SLC43A3: variants seen among roughly 807,000 people sequenced by gnomAD.
SLC43A3 encodes solute carrier family 43 member 3.
Under a neutral mutation model 53.3 loss-of-function variants are expected in SLC43A3, and 33 were observed. That is an observed-to-expected ratio of 0.62 (90% CI 0.47 to 0.83). SLC43A3 has a LOEUF of 0.83. SLC43A3 is among the 40% of genes least tolerant of loss of function. The pLI is 0.00. For synonymous variants in SLC43A3, 236 were observed against 246.2 expected (o/e 0.96, Z 0.39); for missense variants, 530 against 610.0 (o/e 0.87, Z 1.38).
At position 57,409,170 on chromosome 11, in the gene SLC43A3, C is replaced by T. The variant is rs1180414366; in HGVS notation, c.1371+5G>A. On this transcript the variant is annotated splice_donor_5th_base_variant and intron_variant, in intron 13 of 13. Coordinates refer to ENST00000395124, the MANE Select transcript of SLC43A3 (RefSeq NM_199329.3). The stretch of plus-strand genomic sequence containing the variant: ...GCCAGGGATCCCCATCCTCCCAGTA[C>T]TCACGTAAAATGGGTCATTCTGAAG... 1 of 1,614,174 alleles carries T rather than the reference C, an allele frequency of 6.2e-7. No individual in the cohort carries two copies. The highest frequency in any genetic ancestry group is 1.7e-5 in the Admixed American group (1 of 60,030).
At chr11:57,425,818 A>G (rs1428926815) in intron 3 of SLC43A3, 148 bp from the exon 4 acceptor site, 6 of 1,409,988 alleles carry the variant, frequency 4.3e-6, no homozygotes, top group Non-Finnish European at 5.8e-6. Flanking sequence ...ATTACCCCTC[A>G]GGAGCTGGTG....
rs1942270065 is a variant in SLC43A3 at position 57,407,881 on chromosome 11, T to C, written c.1387A>G (p.Met463Val). Residue 463 changes from methionine (M) to valine (V), a missense_variant, in exon 14 of 14, where the codon ATG becomes GTG. This residue lies in a region of SLC43A3 where 124 missense variants were observed against 166.4 expected (regional missense o/e 0.75). Transcript: ENST00000395124. The part of the protein sequence containing the change: ...NDPFYVNVMF[M>V]LAILLTFFHP... ...AAGAATGTCAGAAGAATGGCAAGCA[T>C]GAACATCACATTCACCTGCAGGGAG... 1.2e-6 allele frequency: 2 copies of C among 1,611,578 alleles called. No individual in the cohort carries two copies. The highest frequency in any genetic ancestry group is 1.1e-5 in the South Asian group (1 of 91,040).
At chr11:57,411,130 G>C (rs1942440408) in intron 11 of SLC43A3, among the ~76,000 whole-genome samples, 1 of 152,086 alleles carries the variant, frequency 6.6e-6, no homozygotes, top group African/African-American at 2.4e-5. Flanking sequence ...AGAGGAAAAG[G>C]GGTACAAGAA....
At chr11:57,422,664 T>C (rs1466191010) in intron 5 of SLC43A3, among the ~76,000 whole-genome samples, 3 of 152,226 alleles carry the variant, frequency 2.0e-5, no homozygotes, top group Non-Finnish European at 4.4e-5. Flanking sequence ...ATGGGCTCAA[T>C]GCTTTTTTCA....
At chr11:57,416,493 G>C (rs1275328319) in intron 9 of SLC43A3, 80 bp downstream of exon 9, 2 of 1,078,222 alleles carry the variant, frequency 1.9e-6, no homozygotes, top group Non-Finnish European at 2.8e-6. Context: ...CCCTGGGGGA[G>C]CTCTGGAGGT....
Position 57,421,019 on chromosome 11 carries a change from A to G in SLC43A3, c.484T>C (p.Tyr162His). Reference protein sequence around the residue: ...GQHRSTIITLYNGAFDSSSAV... With the variant: ...GQHRSTIITLHNGAFDSSSAV... ...GAGGAAGAGTCAAATGCTCCATTGT[A>G]CAGAGTGATGATGGTCGAACGGTGT... The change falls in exon 7 of 14, where the codon TAC (tyrosine) becomes CAC (histidine). Residue 162 changes from tyrosine (Y) to histidine (H), a missense_variant. This residue lies in a region of SLC43A3 where 376 missense variants were observed against 386.7 expected (regional missense o/e 0.97). Transcript: ENST00000395124. The G allele has an allele frequency of 6.2e-7, 1 of 1,614,028 alleles. No homozygotes were observed. The highest frequency in any genetic ancestry group is 2.2e-5 in the East Asian group (1 of 44,884).
intron 7 of SLC43A3, among the ~76,000 whole-genome samples, chr11:57,420,265 T>C (rs759689103): frequency 6.6e-6 from 1 of 152,226 alleles, no homozygotes; most frequent in Non-Finnish European, 1.5e-5. Flanking sequence ...TGCTTTCACC[T>C]TGCGTCAGGG....
rs115921268 is a variant in SLC43A3, at chr11:57,424,232, C to A, written c.315-204G>T. ...TGAGATTGAGATGTGGTCCTGACCT[C>A]ATGGACAGTGCATTTTGCTCATTCT... On this transcript the variant is annotated intron_variant, in intron 4 of 13. Coordinates refer to ENST00000395124, the MANE Select transcript of SLC43A3 (RefSeq NM_199329.3). 3.6e-3 allele frequency among the ~76,000 whole-genome samples: 553 copies of A among 152,330 alleles called. 6 individuals are homozygous for A. Among genetic ancestry groups the A allele is most frequent in the African/African-American group, 0.013 (522 of 41,578 alleles).
At position 57,409,902 on chromosome 11, in the gene SLC43A3, C is replaced by T. The variant is rs756353052; in HGVS notation, c.1247+33G>A. The T allele has an allele frequency of 7.0e-6, 11 of 1,562,188 alleles. No homozygotes were observed. In the Admixed American group the frequency reaches 7.7e-5, roughly 11 times the overall value. On this transcript the variant is annotated intron_variant, in intron 12 of 13. Transcript: ENST00000395124. ...CAGCTTCTCTTTGCCCCAGTGTGTC[C>T]GTCTCCACAGAGCCCGCCCCAAGGC... is the stretch of plus-strand genomic sequence containing the variant.
intron 12 of SLC43A3, among the ~76,000 whole-genome samples, chr11:57,409,584 T>C (rs1222748295): frequency 4.6e-5 from 7 of 152,238 alleles, no homozygotes; most frequent in African/African-American, 1.4e-4. Flanking sequence ...TGCCAGACAA[T>C]GCACGCACTA....
chr11:57,425,486 C>T, intron 4 of SLC43A3, 55 bp downstream of exon 4: 1 of 1,580,858 alleles, frequency 6.3e-7, no homozygotes, highest in Non-Finnish European at 8.7e-7. Context: ...AGCTAGGCTG[C>T]TGCCTGAAGG....
chr11:57,425,737 C>T, intron 3 of SLC43A3, 67 bp from the exon 4 acceptor site: 1 of 1,599,440 alleles, frequency 6.3e-7, no homozygotes, highest in Non-Finnish European at 8.5e-7. Context: ...AGGCTGGGCT[C>T]CCCTCCACCT....
intron 9 of SLC43A3, among the ~76,000 whole-genome samples, chr11:57,415,568 T>C (rs1942681406): frequency 6.6e-6 from 1 of 152,140 alleles, no homozygotes; most frequent in Admixed American, 6.5e-5. Context: ...ATCTTCATGG[T>C]CCAGATGGGA....
At chr11:57,425,764 C>A in intron 3 of SLC43A3, 94 bp from the exon 4 acceptor site, 3 of 1,561,786 alleles carry the variant, frequency 1.9e-6, no homozygotes, top group South Asian at 2.3e-5. Flanking sequence ...GCTTGTCGGT[C>A]GCAAACTTGT....
chr11:57,417,913 G>A, intron 7 of SLC43A3, 26 bp from the exon 8 acceptor site: 2 of 1,611,762 alleles, frequency 1.2e-6, no homozygotes, highest in African/African-American at 1.3e-5. Context: ...GAAAAAGTCA[G>A]TGTCACACCC....
upstream of SLC43A3, chr11:57,427,291 C>T (rs1335109355): frequency 1.3e-5 from 2 of 152,658 alleles, no homozygotes; most frequent in African/African-American, 4.8e-5. Context: ...CTCTAGAACC[C>T]CCTAGAACCC....
chr11:57,420,313 C>T (rs188662129), intron 7 of SLC43A3, among the ~76,000 whole-genome samples: 7 of 152,286 alleles, frequency 4.6e-5, no homozygotes, highest in Admixed American at 3.9e-4. Context: ...ATATACACTC[C>T]CTTTATCTCA....
rs748028611 is a variant in SLC43A3 at position 57,417,943 on chromosome 11, T to A, written c.532-56A>T. The A allele has an allele frequency of 1.7e-4, 258 of 1,561,264 alleles. 1 individual carries two copies. The highest frequency in any genetic ancestry group is 2.3e-4 in the Admixed American group (13 of 55,892). ...ACACCCACGTTCATAGCAGCACTAT[T>A]CACAATAGCCAAAGGATGGAAGCAA... On this transcript the variant is annotated intron_variant, in intron 7 of 13. Transcript: ENST00000395124.
chr11:57,409,921 C>A lies in SLC43A3; in HGVS notation c.1247+14G>T, dbSNP rs1942375758. 6.2e-7 allele frequency: 1 copy of A among 1,600,878 alleles called. No individual in the cohort carries two copies. Among genetic ancestry groups the A allele is most frequent in the African/African-American group, 1.3e-5 (1 of 74,596 alleles). ...TGTGTCCGTCTCCACAGAGCCCGCC[C>A]CAAGGCCACTTACGCAAGGGTGAGG... is the stretch of plus-strand genomic sequence containing the variant. On this transcript the variant is annotated intron_variant, in intron 12 of 13. Coordinates refer to ENST00000395124, the MANE Select transcript of SLC43A3 (RefSeq NM_199329.3).
Sources: gnomAD v4.1 joint callset for allele counts (sites outside exome capture counted in the v4.1 genomes callset) on GRCh38, gnomAD v4.1.1 for gene constraint, gnomAD v4.1.1 regional missense constraint, MANE v1.5 for transcripts, NCBI Gene and HGNC (gene_info 2026-07-23, HGNC 2026-07-21) for gene names.